Variants in SRCAP observed in about 807,000 individuals in gnomAD.
The protein encoded by SRCAP is Snf2 related CREBBP activator protein, also known as chromatin remodeling protein SRCAP.
A neutral mutation model predicts 263.1 loss-of-function variants in SRCAP; 46 were observed. That is an observed-to-expected ratio of 0.17 (90% CI 0.14 to 0.22). SRCAP has a LOEUF of 0.22. SRCAP is among the 10% of genes least tolerant of loss of function. SRCAP has a pLI of 1.00. For missense variants in SRCAP, 3,695 were observed against 4,181.9 expected, an observed-to-expected ratio of 0.88 and a Z score of 3.21; for synonymous variants, 1,813 against 1,662.1, an observed-to-expected ratio of 1.09 and a Z score of -2.21.
chr16:30,712,927 A>G, intron 14 of SRCAP, 112 bp downstream of exon 14: 1 of 1,367,882 alleles, frequency 7.3e-7, no homozygotes, highest in East Asian at 2.5e-5. Flanking sequence ...AAAATTTTTT[A>G]ATTTTTTGTA....
chr16:30,729,263 G>A lies in SRCAP; in HGVS notation c.5924+32G>A, dbSNP rs746844679. On this transcript the variant is annotated intron_variant, in intron 26 of 33. Coordinates refer to ENST00000262518, the MANE Select transcript of SRCAP (RefSeq NM_006662.3). ...AGGGCTAAGTGCTAATGGGGAGTGG[G>A]TCTTGGGGCCTCAGAGTGGATGTAG... 2.5e-6 allele frequency: 4 copies of A among 1,597,650 alleles called. No individual in the cohort carries two copies. In the Admixed American group the frequency reaches 5.1e-5, roughly 20 times the overall value.
chr16:30,739,083 C>T lies in SRCAP; in HGVS notation c.9043C>T (p.Pro3015Ser), dbSNP rs779148293. Reference protein sequence around the residue: ...RKRGRPPKNPPSPRPSQLPVL... With the variant: ...RKRGRPPKNPSSPRPSQLPVL... Reference sequence around the variant, plus strand: ...GAGGGGCCGACCTCCCAAGAATCCTCCATCACCTCGGCCCAGCCAGCTCCC... The same window carrying T: ...GAGGGGCCGACCTCCCAAGAATCCTTCATCACCTCGGCCCAGCCAGCTCCC... Residue 3015 changes from proline to serine, a missense_variant, in exon 34 of 34, where the codon CCA (proline) becomes TCA (serine). By Grantham distance (74) the Pro-to-Ser change is moderately conservative. Transcript: ENST00000262518. The T allele has an allele frequency of 3.7e-6, 6 of 1,614,104 alleles. No homozygotes were observed. Among genetic ancestry groups the T allele is most frequent in the Non-Finnish European group, 5.1e-6 (6 of 1,180,052 alleles).
intron 16 of SRCAP, among the ~76,000 whole-genome samples, chr16:30,714,761 C>G (rs2052929535): frequency 6.6e-6 from 1 of 152,086 alleles, no homozygotes; most frequent in Admixed American, 6.6e-5. Context: ...CCCCGCTTGG[C>G]CTCCCAAAGT....
In SRCAP at chr16:30,733,232, C is replaced by G. The variant is rs765597990; in HGVS notation, c.6128-48C>G. 1 of 1,593,424 alleles carries G rather than the reference C, an allele frequency of 6.3e-7. No individual in the cohort carries two copies. Among genetic ancestry groups the G allele is most frequent in the East Asian group, 2.2e-5 (1 of 44,690 alleles). ...AGCCTTGCATTGCTAAGCATTCTAC[C>G]CATTGCGGCTTGTAGCTAGCTCCCT... On this transcript the variant is annotated intron_variant, in intron 27 of 33. Coordinates refer to ENST00000262518, the MANE Select transcript of SRCAP (RefSeq NM_006662.3). The surrounding 1 kb of genome is among the most constrained non-coding windows in gnomAD (Gnocchi z 5.3).
intron 25 of SRCAP, 85 bp from the exon 26 acceptor site, chr16:30,728,881 A>G (rs1237556984): frequency 6.8e-7 from 1 of 1,463,308 alleles, no homozygotes. Context: ...GTTTCTATAT[A>G]TTTATTTCCA....
chr16:30,707,171 C>G lies in SRCAP; in HGVS notation c.307-12C>G. The G allele has an allele frequency of 6.2e-7, 1 of 1,613,824 alleles. No individual in the cohort carries two copies. The highest frequency in any genetic ancestry group is 8.5e-7 in the Non-Finnish European group (1 of 1,179,834). ...TTTAGAACTGTTGATTGATCTGGCT[C>G]TCCCTGATTAGGAGGCCGAGATCGA... On this transcript the variant is annotated splice_polypyrimidine_tract_variant and intron_variant, in intron 4 of 33. Coordinates refer to ENST00000262518, the MANE Select transcript of SRCAP (RefSeq NM_006662.3).
At position 30,720,428 on chromosome 16, in the gene SRCAP, G is replaced by T; in HGVS notation, c.2987+97G>T. 4 of 1,409,998 alleles carry T rather than the reference G, an allele frequency of 2.8e-6. No homozygotes were observed. The South Asian group carries it at 5.3e-5, about 19-fold the overall frequency. 87.3% of individuals were successfully genotyped at this position (1,409,998 alleles called of 1,614,324 possible). ...TGGGAAGAAAAGAGTTGGATGCAAGGCTGGAATATTTATATGGGATGGGTG... is the reference window on the plus strand; with the variant it reads ...TGGGAAGAAAAGAGTTGGATGCAAGTCTGGAATATTTATATGGGATGGGTG... On this transcript the variant is annotated intron_variant, in intron 19 of 33. Transcript: ENST00000262518.
At chr16:30,705,324 T>G (rs2052814519) in intron 4 of SRCAP, among the ~76,000 whole-genome samples, 1 of 152,140 alleles carries the variant, frequency 6.6e-6, no homozygotes, top group Non-Finnish European at 1.5e-5. Context: ...TCTTGGTACC[T>G]CTCACCCACC....
At chr16:30,705,170 G>C (rs907296005) in intron 4 of SRCAP, among the ~76,000 whole-genome samples, 7 of 152,116 alleles carry the variant, frequency 4.6e-5, no homozygotes, top group African/African-American at 1.7e-4. Context: ...GCGTGGTGGC[G>C]CAGGCCTGTA....
intron 3 of SRCAP, 59 bp from the exon 4 acceptor site, chr16:30,704,005 C>G: frequency 2.0e-6 from 3 of 1,534,084 alleles, no homozygotes; most frequent in Non-Finnish European, 2.6e-6. Flanking sequence ...AATAATGTAT[C>G]TAAAACACTC....
intron 16 of SRCAP, 63 bp downstream of exon 16, chr16:30,713,774 G>A: frequency 6.6e-7 from 1 of 1,515,590 alleles, no homozygotes; most frequent in Non-Finnish European, 9.0e-7. Flanking sequence ...TGAGCACCTG[G>A]GCAGTGCCCA....
chr16:30,712,321 G>A lies in SRCAP; in HGVS notation c.1875G>A (p.Gly625=), dbSNP rs2052900822. ...RGQLREYQHI[G]LDWLVTMYEK... ...AGCTCCGGGAGTACCAGCACATTGG[G>A]CTAGACTGGCTGGTTACCATGTATG... Residue 625 remains glycine (G), a synonymous_variant, in exon 13 of 34, where the codon GGG becomes GGA. Transcript: ENST00000262518. 2 of 1,612,952 alleles carry A rather than the reference G, an allele frequency of 1.2e-6. No individual in the cohort carries two copies. Among genetic ancestry groups the A allele is most frequent in the African/African-American group, 1.3e-5 (1 of 74,980 alleles).
chr16:30,707,413 G>A (rs777215681), intron 5 of SRCAP, 45 bp downstream of exon 5: 1 of 1,607,010 alleles, frequency 6.2e-7, no homozygotes, highest in South Asian at 1.1e-5. Context: ...TTTCAGGTCT[G>A]TTCCTTCCCG....
Position 30,739,842 on chromosome 16 carries a change from A to G in SRCAP, c.*109A>G. 2 of 1,406,758 alleles carry G rather than the reference A, an allele frequency of 1.4e-6. No individual in the cohort carries two copies. The highest frequency in any genetic ancestry group is 1.9e-6 in the Non-Finnish European group (2 of 1,076,454). 87.1% of individuals were successfully genotyped at this position (1,406,758 alleles called of 1,614,324 possible). ...CTTGAGGGGGAAAGCCTCCAGGGAG[A>G]CATAGGGGCCTTCTCCCTTCTTCCC... is the stretch of plus-strand genomic sequence containing the variant. On this transcript the variant is annotated 3_prime_UTR_variant, in exon 34 of 34. Transcript: ENST00000262518.
At position 30,737,950 on chromosome 16, in the gene SRCAP, C is replaced by G. The variant is rs1365682063; in HGVS notation, c.7910C>G (p.Pro2637Arg). 6.2e-7 allele frequency: 1 copy of G among 1,614,166 alleles called. No homozygotes were observed. ...SAEGTTLTVL[P>R]EGEELPLCVS... ...GAGGGGACCACCCTTACAGTGCTGC[C>G]TGAAGGTGAGGAGTTGCCCCTGTGT... The change falls in exon 34 of 34, where the codon CCT becomes CGT. Residue 2637 changes from proline (P) to arginine (R), a missense_variant. Pro to Arg is a moderately radical substitution (Grantham distance 103). Coordinates refer to ENST00000262518, the MANE Select transcript of SRCAP (RefSeq NM_006662.3).
At chr16:30,732,968 TG>T (rs1426122333) in intron 27 of SRCAP, among the ~76,000 whole-genome samples, 1 of 152,150 alleles carries the variant, frequency 6.6e-6, no homozygotes, top group African/African-American at 2.4e-5. Context: ...CCTGAGTAGC[TG>T]GGATTACAGT....
chr16:30,732,001 C>G (rs2053118630), intron 27 of SRCAP, among the ~76,000 whole-genome samples: 1 of 150,904 alleles, frequency 6.6e-6, no homozygotes, highest in South Asian at 2.1e-4. Context: ...AAAAATTAGC[C>G]AGGCGTGGTG....
At chr16:30,703,102 C>T (rs924973312) in intron 3 of SRCAP, among the ~76,000 whole-genome samples, 2 of 151,420 alleles carry the variant, frequency 1.3e-5, no homozygotes, top group Admixed American at 1.3e-4. Context: ...TGTTTATGTG[C>T]ATGAAATCAC....
rs79656879 is a variant in SRCAP, at chr16:30,704,198, C to G, written c.189C>G (p.Pro63=). The G allele has an allele frequency of 5.8e-3, 9,412 of 1,614,168 alleles. 200 individuals carry two copies. The African/African-American group carries it at 0.072, about 12-fold the overall frequency. Residue 63 remains proline, a synonymous_variant, in exon 4 of 34, where the codon CCC becomes CCG. Transcript: ENST00000262518. ...QDSSLDGPPG[P]PDGATVPLEG... is the part of the protein sequence containing the mutation. ...CCTCACTGGATGGACCTCCAGGCCC[C>G]CCAGATGGTGCCACAGTGCCCCTGG...
Sources: gnomAD v4.1 joint callset for allele counts (sites outside exome capture counted in the v4.1 genomes callset) on GRCh38, gnomAD v4.1.1 for gene constraint, Gnocchi (gnomAD v3.1) non-coding constraint, MANE v1.5 for transcripts, NCBI Gene and HGNC (gene_info 2026-07-23, HGNC 2026-07-21) for gene names.